Variants in NOS1AP observed in about 807,000 individuals in gnomAD.
The protein encoded by NOS1AP is nitric oxide synthase 1 adaptor protein.
In NOS1AP, 21 loss-of-function variants were observed where a neutral mutation model predicts 56.2. The observed-to-expected ratio is 0.37, with a 90% CI of 0.26 to 0.54. The LOEUF is 0.54. Among genes scored for constraint, NOS1AP ranks in the 20% least tolerant of loss-of-function variants. The probability of loss-of-function intolerance (pLI) is 0.84; values close to 1 mark genes in which losing one functional copy is unlikely to be tolerated. For synonymous variants in NOS1AP, 270 were observed against 274.6 expected, an observed-to-expected ratio of 0.98 and a Z score of 0.17; for missense variants, 522 against 657.8, an observed-to-expected ratio of 0.79 and a Z score of 2.26.
chr1:162,332,880 C>A, intron 4 of NOS1AP, 137 bp from the exon 5 acceptor site: 2 of 699,350 alleles, frequency 2.9e-6, no homozygotes, highest in Non-Finnish European at 2.6e-6. Context: ...ACTTTTTGAT[C>A]CTGAAGGAAG....
intron 2 of NOS1AP, among the ~76,000 whole-genome samples, chr1:162,271,278 T>C (rs1654576693): frequency 7.1e-6 from 1 of 141,770 alleles, no homozygotes; most frequent in Non-Finnish European, 1.5e-5. Flanking sequence ...AGTCCAGCGA[T>C]GGTACCCCCC....
intron 2 of NOS1AP, among the ~76,000 whole-genome samples, chr1:162,164,090 G>A (rs953246499): frequency 6.6e-6 from 1 of 152,204 alleles, no homozygotes; most frequent in African/African-American, 2.4e-5. Flanking sequence ...ATGCTCAAGA[G>A]TAAGAAATGA....
intron 2 of NOS1AP, among the ~76,000 whole-genome samples, chr1:162,266,080 A>G (rs936566570): frequency 2.0e-5 from 3 of 152,116 alleles, no homozygotes; most frequent in Non-Finnish European, 4.4e-5. Flanking sequence ...GGTCATTTCT[A>G]TTTTTGTCCC....
chr1:162,146,437 C>T (rs913929208), intron 1 of NOS1AP, among the ~76,000 whole-genome samples: 1 of 152,110 alleles, frequency 6.6e-6, no homozygotes, highest in Admixed American at 6.5e-5. Flanking sequence ...ATTTTGGAGG[C>T]TTCCCCTCTG....
Position 162,355,372 on chromosome 1 carries a change from A to C in NOS1AP, c.762+19A>C, listed in dbSNP as rs764630323. Reference sequence around the variant, plus strand: ...CTCCAAGGTAGGCAAGAGATGGCCCATCTGTGTGATCTGCACACGTGTGCC... The same window carrying C: ...CTCCAAGGTAGGCAAGAGATGGCCCCTCTGTGTGATCTGCACACGTGTGCC... On this transcript the variant is annotated intron_variant, in intron 7 of 9. Coordinates refer to ENST00000361897, the MANE Select transcript of NOS1AP (RefSeq NM_014697.3). 1.2e-6 allele frequency: 2 copies of C among 1,613,766 alleles called. No individual in the cohort carries two copies. The highest frequency in any genetic ancestry group is 3.3e-5 in the Admixed American group (2 of 60,008).
chr1:162,177,872 C>T (rs1651118290), intron 2 of NOS1AP, among the ~76,000 whole-genome samples: 1 of 152,144 alleles, frequency 6.6e-6, no homozygotes, highest in African/African-American at 2.4e-5. Flanking sequence ...TCATAATTGA[C>T]ATGAGGGTTC....
chr1:162,365,125 T>C, intron 8 of NOS1AP: 1 of 1,389,940 alleles, frequency 7.2e-7, no homozygotes, highest in Non-Finnish European at 9.3e-7. Flanking sequence ...AGAGGGTCGA[T>C]GGCTCTTTCC....
chr1:162,264,543 G>A (rs1447878533), intron 2 of NOS1AP, among the ~76,000 whole-genome samples: 1 of 146,442 alleles, frequency 6.8e-6, no homozygotes, highest in Non-Finnish European at 1.5e-5. Flanking sequence ...AGTCTCACTG[G>A]TCACCCAGGC....
At chr1:162,315,499 G>A (rs1373814417) in intron 4 of NOS1AP, among the ~76,000 whole-genome samples, 3 of 152,198 alleles carry the variant, frequency 2.0e-5, no homozygotes, top group Non-Finnish European at 4.4e-5. Flanking sequence ...ATCAGACTGT[G>A]AGCCTTGGCT....
intron 2 of NOS1AP, among the ~76,000 whole-genome samples, chr1:162,242,356 G>A (rs972763422): frequency 1.3e-5 from 2 of 152,128 alleles, no homozygotes; most frequent in Non-Finnish European, 2.9e-5. Context: ...TCTGAGGCTA[G>A]GTCCAAAAAA....
At chr1:162,283,560 A>T (rs578052655) in intron 2 of NOS1AP, among the ~76,000 whole-genome samples, 1 of 152,106 alleles carries the variant, frequency 6.6e-6, no homozygotes, top group South Asian at 2.1e-4. Flanking sequence ...CGATGTTCTT[A>T]CTCATGTCTT....
chr1:162,318,161 A>C (rs1656291682), intron 4 of NOS1AP, among the ~76,000 whole-genome samples: 1 of 152,030 alleles, frequency 6.6e-6, no homozygotes, highest in Admixed American at 6.6e-5. Context: ...TCTTGAGGCT[A>C]TTTCTGTTTT....
intron 7 of NOS1AP, among the ~76,000 whole-genome samples, chr1:162,355,680 G>GTACA (rs1557891065): frequency 6.6e-6 from 1 of 150,876 alleles, no homozygotes; most frequent in East Asian, 2.0e-4. Flanking sequence ...GCTCACTCTG[G>GTACA]CACACACACA....
At chr1:162,249,536 C>T (rs1653782473) in intron 2 of NOS1AP, among the ~76,000 whole-genome samples, 1 of 152,152 alleles carries the variant, frequency 6.6e-6, no homozygotes, top group Non-Finnish European at 1.5e-5. Context: ...GATTAATTCT[C>T]TTGTCATCAT....
chr1:162,287,136 G>A (rs1032734248), intron 2 of NOS1AP, among the ~76,000 whole-genome samples: 1 of 152,110 alleles, frequency 6.6e-6, no homozygotes, highest in Non-Finnish European at 1.5e-5. Flanking sequence ...CTGAGAAGTG[G>A]TATAGACTAT....
intron 1 of NOS1AP, among the ~76,000 whole-genome samples, chr1:162,083,279 C>G (rs909404956): frequency 6.6e-6 from 1 of 152,178 alleles, no homozygotes; most frequent in Non-Finnish European, 1.5e-5. Flanking sequence ...CGTGTAGAAG[C>G]ATTTTATTGT....
chr1:162,168,198 C>T (rs535247406), intron 2 of NOS1AP, among the ~76,000 whole-genome samples: 5 of 152,274 alleles, frequency 3.3e-5, no homozygotes, highest in Admixed American at 2.6e-4. Flanking sequence ...CTCCTGACCA[C>T]GACGATCCCT....
chr1:162,332,979 G>A (rs1211757158), intron 4 of NOS1AP, 38 bp from the exon 5 acceptor site: 4 of 1,442,346 alleles, frequency 2.8e-6, no homozygotes, highest in Non-Finnish European at 3.9e-6. Context: ...TGAACCTAAG[G>A]CCATTTTCAG....
At chr1:162,170,992 C>T (rs558530036) in intron 2 of NOS1AP, among the ~76,000 whole-genome samples, 5 of 151,162 alleles carry the variant, frequency 3.3e-5, no homozygotes, top group South Asian at 2.1e-4. Flanking sequence ...GGCAGCTAAA[C>T]GGGTGGAGCT....
Sources: gnomAD v4.1 joint callset for allele counts (sites outside exome capture counted in the v4.1 genomes callset) on GRCh38, gnomAD v4.1.1 for gene constraint, MANE v1.5 for transcripts, NCBI Gene and HGNC (gene_info 2026-07-23, HGNC 2026-07-21) for gene names.